COMMD10: variants seen among roughly 807,000 people sequenced by gnomAD.
The protein encoded by COMMD10 is COMM domain-containing protein 10.
A neutral mutation model predicts 28.9 loss-of-function variants in COMMD10; 33 were observed. The observed-to-expected ratio is 1.14, with a 90% CI of 0.87 to 1.53. The LOEUF (loss-of-function observed/expected upper bound fraction) is 1.53, where lower values mean the gene tolerates loss of function less well. COMMD10 is among the 40% of genes most tolerant of loss of function. The probability of loss-of-function intolerance (pLI) is 0.00; values close to 1 mark genes in which losing one functional copy is unlikely to be tolerated. For synonymous variants in COMMD10, 110 were observed against 81.7 expected, an observed-to-expected ratio of 1.35 and a Z score of -1.87; for missense variants, 310 against 233.4, an observed-to-expected ratio of 1.33 and a Z score of -2.14.
In COMMD10 at chr5:116,254,118, G is replaced by T. The variant is rs1216252399; in HGVS notation, c.511-37399G>T. Among the ~76,000 whole-genome samples the T allele has an allele frequency of 7.2e-5, 11 of 152,052 alleles. No homozygotes were observed. In the East Asian group the frequency reaches 2.1e-3, roughly 29 times the overall value. On this transcript the variant is annotated intron_variant, in intron 5 of 6. Coordinates refer to ENST00000274458, the MANE Select transcript of COMMD10 (RefSeq NM_016144.4). ...TTGTAGTATTCTCTGATGGTAGTTTGTATTTCTGTGGGATCGGTGGTGATA... is the reference window on the plus strand; with the variant it reads ...TTGTAGTATTCTCTGATGGTAGTTTTTATTTCTGTGGGATCGGTGGTGATA...
intron 5 of COMMD10, among the ~76,000 whole-genome samples, chr5:116,225,872 A>C (rs1749382530): frequency 6.6e-6 from 1 of 151,588 alleles, no homozygotes; most frequent in South Asian, 2.1e-4. Context: ...CTCATGTGTA[A>C]ATTTTGTTGT....
At chr5:116,154,215 C>T (rs746109542) in intron 5 of COMMD10, among the ~76,000 whole-genome samples, 1 of 152,094 alleles carries the variant, frequency 6.6e-6, no homozygotes, top group Non-Finnish European at 1.5e-5. Context: ...AGCATAATTT[C>T]ACTCAGAAAT....
intron 5 of COMMD10, among the ~76,000 whole-genome samples, chr5:116,226,679 C>T (rs1238958117): frequency 6.6e-6 from 1 of 151,928 alleles, no homozygotes; most frequent in African/African-American, 2.4e-5. Flanking sequence ...ATTCCTGAAG[C>T]CAATACCTTG....
chr5:116,088,729 T>A (rs1039039316), intron 2 of COMMD10, among the ~76,000 whole-genome samples: 5 of 152,230 alleles, frequency 3.3e-5, no homozygotes, highest in Admixed American at 1.3e-4. Context: ...GAGTAACTTG[T>A]TCATCCTTCA....
intron 5 of COMMD10, among the ~76,000 whole-genome samples, chr5:116,166,813 G>A (rs989812965): frequency 3.3e-5 from 5 of 151,938 alleles, no homozygotes; most frequent in Admixed American, 6.6e-5. Context: ...TCAACAAAAC[G>A]GACATCCACA....
chr5:116,163,423 T>TCAAAA, intron 5 of COMMD10, among the ~76,000 whole-genome samples: 1 of 92,528 alleles, frequency 1.1e-5, no homozygotes, highest in African/African-American at 5.3e-5. Flanking sequence ...CACCTCTACT[T>TCAAAA]AAAAAAAAAA....
chr5:116,273,761 A>C (rs1750821523), intron 5 of COMMD10, among the ~76,000 whole-genome samples: 1 of 151,704 alleles, frequency 6.6e-6, no homozygotes, highest in South Asian at 2.1e-4. Context: ...GATGAACTGG[A>C]GTTTTGAAAC....
At position 116,261,711 on chromosome 5, in the gene COMMD10, A is replaced by AGAATAACTTTTAGTGGTCT. The variant is rs1367789328; in HGVS notation, c.511-29805_511-29787dup. The stretch of plus-strand genomic sequence containing the variant: ...GGCTTCCTCATTCCTATCAACAACC[A>AGAATAACTTTTAGTGGTCT]GAATAACTTTTAGTGGTCTAACTTG... On this transcript the variant is annotated intron_variant, in intron 5 of 6. Coordinates refer to ENST00000274458, the MANE Select transcript of COMMD10 (RefSeq NM_016144.4). 4.6e-5 allele frequency among the ~76,000 whole-genome samples: 7 copies of AGAATAACTTTTAGTGGTCT among 151,762 alleles called. No individual in the cohort carries two copies. In the East Asian group the frequency reaches 1.4e-3, roughly 29 times the overall value.
chr5:116,196,840 A>G (rs181905917), intron 5 of COMMD10, among the ~76,000 whole-genome samples: 12 of 152,208 alleles, frequency 7.9e-5, no homozygotes, highest in Non-Finnish European at 7.4e-5. Context: ...TCATATTACT[A>G]ATTTTCAAAT....
At chr5:116,150,415 G>A (rs1752485446) in intron 5 of COMMD10, among the ~76,000 whole-genome samples, 1 of 152,150 alleles carries the variant, frequency 6.6e-6, no homozygotes, top group African/African-American at 2.4e-5. Flanking sequence ...TAGCTTGATG[G>A]GGATGGCATT....
chr5:116,244,602 G>T (rs1201293043), intron 5 of COMMD10, among the ~76,000 whole-genome samples: 1 of 146,076 alleles, frequency 6.8e-6, no homozygotes, highest in Non-Finnish European at 1.5e-5. Flanking sequence ...TTAAAAGTAA[G>T]GTATTTTAAG....
At chr5:116,088,992 T>C (rs1750212589) in intron 2 of COMMD10, among the ~76,000 whole-genome samples, 2 of 152,228 alleles carry the variant, frequency 1.3e-5, no homozygotes, top group Admixed American at 1.3e-4. Context: ...TGAAGTTAAT[T>C]ATTTTCCTTG....
intron 5 of COMMD10, among the ~76,000 whole-genome samples, chr5:116,256,858 C>T (rs1410922135): frequency 6.6e-6 from 1 of 151,704 alleles, no homozygotes; most frequent in Non-Finnish European, 1.5e-5. Flanking sequence ...CGTGGATACT[C>T]TGTGGTGTTT....
At chr5:116,248,626 C>T (rs1240877308) in intron 5 of COMMD10, among the ~76,000 whole-genome samples, 1 of 151,824 alleles carries the variant, frequency 6.6e-6, no homozygotes, top group Non-Finnish European at 1.5e-5. Context: ...TGGGAGTGGC[C>T]TTCTGTATAG....
chr5:116,169,608 A>C (rs990181866), intron 5 of COMMD10, among the ~76,000 whole-genome samples: 3 of 152,156 alleles, frequency 2.0e-5, no homozygotes, highest in African/African-American at 7.2e-5. Flanking sequence ...TGGCAAACTG[A>C]ATCCAGCAGC....
intron 4 of COMMD10, among the ~76,000 whole-genome samples, chr5:116,102,894 C>G (rs1315224093): frequency 6.6e-6 from 1 of 152,024 alleles, no homozygotes; most frequent in Non-Finnish European, 1.5e-5. Context: ...TTCAGCACCC[C>G]CTTATGAGTG....
intron 5 of COMMD10, among the ~76,000 whole-genome samples, chr5:116,259,062 ATTT>A (rs36082006): frequency 8.1e-6 from 1 of 123,620 alleles, no homozygotes; most frequent in Non-Finnish European, 1.7e-5. Context: ...ACGTCCTTTA[ATTT>A]TTTTTTTTTT....
At chr5:116,187,652 G>A (rs1413930834) in intron 5 of COMMD10, among the ~76,000 whole-genome samples, 7 of 152,014 alleles carry the variant, frequency 4.6e-5, no homozygotes, top group Non-Finnish European at 2.9e-5. Flanking sequence ...TATATTTGTA[G>A]TATATTCTAA....
chr5:116,255,473 A>G (rs1750256349), intron 5 of COMMD10, among the ~76,000 whole-genome samples: 1 of 151,086 alleles, frequency 6.6e-6, no homozygotes, highest in Admixed American at 6.6e-5. Flanking sequence ...TTCCTTCAGG[A>G]GCTCTTTTAG....
Sources: allele counts gnomAD v4.1 joint callset (sites outside exome capture counted in the v4.1 genomes callset), GRCh38; gene constraint gnomAD v4.1.1; transcripts MANE v1.5; gene names NCBI Gene and HGNC (gene_info 2026-07-23, HGNC 2026-07-21).